Variants in CERS6 observed in about 807,000 individuals in gnomAD.
CERS6 encodes ceramide synthase 6, also known as LAG1 homolog, ceramide synthase 6.
CERS6 carries 26 observed loss-of-function variants against 56.8 expected under a neutral mutation model. The ratio of observed to expected loss-of-function variants is 0.46; its 90% CI spans 0.34 to 0.63. The LOEUF is 0.63. Among genes scored for constraint, CERS6 ranks in the 30% least tolerant of loss-of-function variants. The probability of loss-of-function intolerance (pLI) is 0.01; values close to 1 mark genes in which losing one functional copy is unlikely to be tolerated. For missense variants in CERS6, 415 were observed against 467.5 expected (o/e 0.89, Z 1.04); for synonymous variants, 164 against 173.3 (o/e 0.95, Z 0.42).
chr2:168,765,507 C>A, intron 8 of CERS6, 85 bp from the exon 9 acceptor site: 2 of 1,395,098 alleles, frequency 1.4e-6, no homozygotes, highest in Non-Finnish European at 2.0e-6. Flanking sequence ...ATATTGTTGA[C>A]CTTGTGCTTT....
chr2:168,534,939 G>A (rs1340346643), intron 1 of CERS6, among the ~76,000 whole-genome samples: 3 of 152,216 alleles, frequency 2.0e-5, no homozygotes, highest in Admixed American at 6.5e-5. Flanking sequence ...AGTTATTGGA[G>A]TTCCTGCAGG....
At chr2:168,702,041 C>T (rs62174427) in intron 6 of CERS6, among the ~76,000 whole-genome samples, 4,998 of 152,112 alleles carry the variant, frequency 0.033, 115 homozygotes, top group East Asian at 0.14. Context: ...ATGTTCACAA[C>T]TATCCATTTT....
At chr2:168,493,269 C>G (rs1694406200) in intron 1 of CERS6, among the ~76,000 whole-genome samples, 1 of 152,138 alleles carries the variant, frequency 6.6e-6, no homozygotes, top group Admixed American at 6.5e-5. Flanking sequence ...AACATCTGAT[C>G]TCTCCTAGCC....
intron 3 of CERS6, among the ~76,000 whole-genome samples, chr2:168,607,841 C>A (rs1235531698): frequency 1.3e-5 from 2 of 152,286 alleles, no homozygotes; most frequent in African/African-American, 2.4e-5. Context: ...AAATACCCTC[C>A]CCATATGAAG....
chr2:168,624,502 A>G (rs1219832475), intron 3 of CERS6, among the ~76,000 whole-genome samples: 1 of 152,094 alleles, frequency 6.6e-6, no homozygotes, highest in East Asian at 1.9e-4. Context: ...GGTTCTTACA[A>G]AATATAGGTG....
intron 8 of CERS6, among the ~76,000 whole-genome samples, chr2:168,735,478 T>G (rs1683683960): frequency 6.6e-6 from 1 of 152,160 alleles, no homozygotes; most frequent in Admixed American, 6.5e-5. Context: ...GGAAATATAA[T>G]CAGACCGTTT....
rs942949073 is a variant in CERS6 at position 168,486,686 on chromosome 2, C to G, written c.170+30068C>G. Among the ~76,000 whole-genome samples the G allele has an allele frequency of 2.0e-5, 3 of 152,182 alleles. No individual in the cohort carries two copies. In the East Asian group the frequency reaches 5.8e-4, roughly 29 times the overall value. On this transcript the variant is annotated intron_variant, in intron 1 of 9. Coordinates refer to ENST00000305747, the MANE Select transcript of CERS6 (RefSeq NM_203463.3). ...TCTATACTGCCTTACTTTTTAACTG[C>G]AAATTTGTAGTACTTGCTTTGGGTT...
intron 4 of CERS6, among the ~76,000 whole-genome samples, chr2:168,667,431 C>T (rs140529219): frequency 8.0e-4 from 122 of 152,332 alleles, no homozygotes; most frequent in African/African-American, 2.3e-3. Flanking sequence ...TCACACTCTC[C>T]TGCCTGCCTT....
chr2:168,643,633 C>A (rs1685097386), intron 4 of CERS6, among the ~76,000 whole-genome samples: 1 of 152,146 alleles, frequency 6.6e-6, no homozygotes, highest in African/African-American at 2.4e-5. Flanking sequence ...ACCAGTTGAT[C>A]ATTATTGCCA....
rs145563908 is a variant in CERS6, at chr2:168,752,814, A to G, written c.846-12778A>G. ...ATCCTTCATAGATTCCTTCCCAAAG[A>G]TGGGATCTTGTATGTTTTTTTCTTG... On this transcript the variant is annotated intron_variant, in intron 8 of 9. Transcript: ENST00000305747. 2.2e-3 allele frequency among the ~76,000 whole-genome samples: 329 copies of G among 152,300 alleles called. 1 individual carries two copies. The highest frequency in any genetic ancestry group is 7.6e-3 in the African/African-American group (316 of 41,554).
chr2:168,520,463 G>A (rs1203520454), intron 1 of CERS6, among the ~76,000 whole-genome samples: 1 of 151,658 alleles, frequency 6.6e-6, no homozygotes, highest in African/African-American at 2.4e-5. Flanking sequence ...TTTTATTTTT[G>A]TTGCGTTTGC....
intron 4 of CERS6, among the ~76,000 whole-genome samples, chr2:168,645,963 CAT>C (rs1006415721): frequency 6.6e-6 from 1 of 152,108 alleles, no homozygotes; most frequent in Non-Finnish European, 1.5e-5. Flanking sequence ...TGGTTGATTC[CAT>C]GTCTTTGCTA....
At chr2:168,521,975 C>A (rs1444905532) in intron 1 of CERS6, among the ~76,000 whole-genome samples, 1 of 152,198 alleles carries the variant, frequency 6.6e-6, no homozygotes, top group East Asian at 1.9e-4. Flanking sequence ...CCACCTCCAT[C>A]ATTGAAAGCC....
chr2:168,756,303 A>G (rs1271198086), intron 8 of CERS6, among the ~76,000 whole-genome samples: 1 of 152,234 alleles, frequency 6.6e-6, no homozygotes, highest in East Asian at 1.9e-4. Context: ...ATATTTAGAG[A>G]TACACATCTG....
At chr2:168,641,684 C>T (rs185922962) in intron 4 of CERS6, among the ~76,000 whole-genome samples, 76 of 152,188 alleles carry the variant, frequency 5.0e-4, no homozygotes, top group Non-Finnish European at 7.8e-4. Context: ...CCCTGAGCCA[C>T]GAGAGGTGTT....
At chr2:168,561,973 CA>C (rs1695797951) in intron 3 of CERS6, among the ~76,000 whole-genome samples, 1 of 151,958 alleles carries the variant, frequency 6.6e-6, no homozygotes, top group African/African-American at 2.4e-5. Flanking sequence ...ATAGGAAAAC[CA>C]GAGAAAAATA....
intron 3 of CERS6, among the ~76,000 whole-genome samples, chr2:168,569,809 C>T (rs1306207485): frequency 6.6e-6 from 1 of 152,172 alleles, no homozygotes; most frequent in East Asian, 1.9e-4. Flanking sequence ...GGGAGGGTTG[C>T]TGGCCACTGG....
chr2:168,652,222 G>A (rs1357197867), intron 4 of CERS6, among the ~76,000 whole-genome samples: 2 of 152,136 alleles, frequency 1.3e-5, no homozygotes, highest in African/African-American at 2.4e-5. Flanking sequence ...GTGGCCAGAA[G>A]CTTCACTAAT....
chr2:168,720,514 A>T (rs1163309469), intron 8 of CERS6, among the ~76,000 whole-genome samples: 2 of 152,130 alleles, frequency 1.3e-5, no homozygotes, highest in East Asian at 3.9e-4. Context: ...CTGCGTCCGT[A>T]CGAGTCAGGA....
Sources: gnomAD v4.1 joint callset for allele counts (sites outside exome capture counted in the v4.1 genomes callset) on GRCh38, gnomAD v4.1.1 for gene constraint, MANE v1.5 for transcripts, NCBI Gene and HGNC (gene_info 2026-07-23, HGNC 2026-07-21) for gene names.